Variants in LAMA2 observed in about 807,000 individuals in gnomAD.
LAMA2 encodes the protein laminin subunit alpha-2.
LAMA2 carries 269 observed loss-of-function variants against 364.8 expected under a neutral mutation model. That is an observed-to-expected ratio of 0.74 (90% CI 0.67 to 0.82). The LOEUF is 0.82. LAMA2 is among the 40% of genes least tolerant of loss of function. LAMA2 has a pLI of 0.00. For missense variants in LAMA2, 3,807 were observed against 3,873.2 expected, an observed-to-expected ratio of 0.98 and a Z score of 0.45; for synonymous variants, 1,379 against 1,370.6, an observed-to-expected ratio of 1.01 and a Z score of -0.14.
chr6:128,909,291 C>A (rs1221291424), intron 1 of LAMA2, among the ~76,000 whole-genome samples: 1 of 152,088 alleles, frequency 6.6e-6, no homozygotes, highest in South Asian at 2.1e-4. Context: ...GTAGGTCACT[C>A]AGGACTTGCT....
Position 129,027,511 on chromosome 6 carries a change from G to A in LAMA2, c.113-22407G>A, listed in dbSNP as rs1359377107. Among the ~76,000 whole-genome samples, 9 of 151,964 alleles carry A rather than the reference G, an allele frequency of 5.9e-5. No homozygotes were observed. The East Asian group carries it at 1.7e-3, about 29-fold the overall frequency. ...TGCTAGACATTCTGAAGATTCAGAA[G>A]AAGTATACAACATTATTTCTAATGT... On this transcript the variant is annotated intron_variant, in intron 1 of 64. Coordinates refer to ENST00000421865, the MANE Select transcript of LAMA2 (RefSeq NM_000426.4).
chr6:128,967,684 TG>T, intron 1 of LAMA2, among the ~76,000 whole-genome samples: 1 of 152,202 alleles, frequency 6.6e-6, no homozygotes, highest in South Asian at 2.1e-4. Context: ...AAAGAATGAG[TG>T]GGACCAGTTT....
intron 12 of LAMA2, among the ~76,000 whole-genome samples, chr6:129,208,665 GAA>G (rs1782865211): frequency 2.4e-5 from 3 of 123,150 alleles, no homozygotes; most frequent in African/African-American, 6.8e-5. Context: ...GAGGGAGAAA[GAA>G]AGAGAAAGAG....
chr6:129,375,297 TG>T (rs201084443), intron 34 of LAMA2, among the ~76,000 whole-genome samples: 2,015 of 152,286 alleles, frequency 0.013, 22 homozygotes, highest in Middle Eastern at 0.044. Context: ...CCCTACAGTA[TG>T]TGTGAAATAT....
intron 3 of LAMA2, among the ~76,000 whole-genome samples, chr6:129,078,932 T>C (rs564470693): frequency 2.0e-5 from 3 of 152,332 alleles, no homozygotes; most frequent in African/African-American, 7.2e-5. Flanking sequence ...TTCAACATAG[T>C]GTCTTCGAGA....
intron 22 of LAMA2, among the ~76,000 whole-genome samples, chr6:129,309,639 G>C (rs1774086119): frequency 6.6e-6 from 1 of 152,190 alleles, no homozygotes; most frequent in Non-Finnish European, 1.5e-5. Flanking sequence ...AACTATGTAA[G>C]TGAATATGTA....
intron 34 of LAMA2, among the ~76,000 whole-genome samples, chr6:129,374,508 T>G (rs1274810730): frequency 1.3e-5 from 2 of 152,096 alleles, no homozygotes; most frequent in African/African-American, 2.4e-5. Context: ...AAAGAATTAC[T>G]GTGATCCTGT....
chr6:129,214,052 A>G (rs1783269970), intron 12 of LAMA2, among the ~76,000 whole-genome samples: 1 of 152,106 alleles, frequency 6.6e-6, no homozygotes, highest in Admixed American at 6.6e-5. Flanking sequence ...CTATATCTGC[A>G]TTTATGTATT....
intron 1 of LAMA2, among the ~76,000 whole-genome samples, chr6:128,918,341 T>G (rs1194696717): frequency 1.3e-5 from 2 of 152,284 alleles, no homozygotes; most frequent in East Asian, 3.9e-4. Flanking sequence ...CTTTTTAGGA[T>G]GTATATATAT....
chr6:129,267,316 T>G, intron 16 of LAMA2, 97 bp downstream of exon 16: 2 of 843,866 alleles, frequency 2.4e-6, no homozygotes, highest in Middle Eastern at 2.2e-4. Context: ...CTTAAACACT[T>G]GAGTCAAGAA....
At chr6:128,911,101 C>T (rs1273774804) in intron 1 of LAMA2, among the ~76,000 whole-genome samples, 1 of 152,140 alleles carries the variant, frequency 6.6e-6, no homozygotes, top group East Asian at 1.9e-4. Context: ...TTTGTCTGTG[C>T]CCTGCCCCCA....
chr6:129,435,357 C>G (rs1035426336), intron 41 of LAMA2, among the ~76,000 whole-genome samples: 1 of 152,110 alleles, frequency 6.6e-6, no homozygotes, highest in African/African-American at 2.4e-5. Context: ...ATAGATATCA[C>G]AGTCATAATC....
chr6:129,316,017 G>A (rs1240939339), intron 26 of LAMA2, 21 bp from the exon 27 acceptor site: 5 of 1,613,886 alleles, frequency 3.1e-6, no homozygotes, highest in African/African-American at 1.3e-5. Flanking sequence ...TTGTCATAGT[G>A]ATTTCTCTTC....
At chr6:129,354,268 T>TA (rs1462251862) in intron 32 of LAMA2, among the ~76,000 whole-genome samples, 5 of 152,176 alleles carry the variant, frequency 3.3e-5, no homozygotes, top group African/African-American at 9.6e-5. Flanking sequence ...AAAGCTGGAT[T>TA]AAAAAATACA....
At chr6:129,275,913 C>G (rs1391366413) in intron 17 of LAMA2, among the ~76,000 whole-genome samples, 1 of 151,798 alleles carries the variant, frequency 6.6e-6, no homozygotes, top group Non-Finnish European at 1.5e-5. Flanking sequence ...GAAAATAAAT[C>G]AAGTCTAATT....
chr6:129,275,005 G>C (rs1788204557), intron 17 of LAMA2, among the ~76,000 whole-genome samples: 1 of 151,892 alleles, frequency 6.6e-6, no homozygotes, highest in Admixed American at 6.6e-5. Context: ...ACCTCAATAA[G>C]TTCTATCTAC....
At chr6:129,295,291 T>C (rs1393591663) in intron 20 of LAMA2, among the ~76,000 whole-genome samples, 4 of 151,852 alleles carry the variant, frequency 2.6e-5, no homozygotes, top group African/African-American at 9.7e-5. Context: ...GGGTTTAGAA[T>C]TGTGCTTTGC....
intron 15 of LAMA2, among the ~76,000 whole-genome samples, chr6:129,264,262 CTG>C (rs1188334484): frequency 6.6e-6 from 1 of 151,944 alleles, no homozygotes; most frequent in Non-Finnish European, 1.5e-5. Context: ...TGATTCGAGA[CTG>C]TATGTCAGGG....
At chr6:129,077,470 A>ATT (rs67051537) in intron 3 of LAMA2, among the ~76,000 whole-genome samples, 1 of 152,072 alleles carries the variant, frequency 6.6e-6, no homozygotes, top group Non-Finnish European at 1.5e-5. Flanking sequence ...GACTTTGCAG[A>ATT]TTTTTTTGTA....
Sources: gnomAD v4.1 joint callset for allele counts (sites outside exome capture counted in the v4.1 genomes callset) on GRCh38, gnomAD v4.1.1 for gene constraint, MANE v1.5 for transcripts, NCBI Gene and HGNC (gene_info 2026-07-23, HGNC 2026-07-21) for gene names.